Variants in BLTP3B observed in about 807,000 individuals in gnomAD.
BLTP3B encodes bridge-like lipid transfer protein family member 3B, also known as UHRF1 (ICBP90) binding protein 1-like.
At chr12:100,118,074 C>G in the BLTP3B span, among the ~76,000 whole-genome samples, 1 of 151,022 alleles carries the variant, frequency 6.6e-6, no homozygotes, top group South Asian at 2.1e-4. Flanking sequence ...TCTCTTGGTC[C>G]CAGAAAAAAA....
the BLTP3B span, among the ~76,000 whole-genome samples, chr12:100,140,718 AAAAAAAAAAAAATAT>A: frequency 8.1e-6 from 1 of 122,780 alleles, no homozygotes; most frequent in Non-Finnish European, 1.6e-5. Flanking sequence ...AAAAAAAAAA[AAAAAAAAAAAAATAT>A]ATATATATAT....
the BLTP3B span, among the ~76,000 whole-genome samples, chr12:100,109,526 G>A: frequency 6.6e-6 from 1 of 152,134 alleles, no homozygotes; most frequent in African/African-American, 2.4e-5. Context: ...CATTTTAGGA[G>A]TCTGAGGAGG....
At chr12:100,141,333 A>G in the BLTP3B span, among the ~76,000 whole-genome samples, 1 of 149,430 alleles carries the variant, frequency 6.7e-6, no homozygotes, top group Non-Finnish European at 1.5e-5. Context: ...AATACTACAT[A>G]TATACACATA....
the BLTP3B span, chr12:100,059,352 C>G: frequency 1.9e-6 from 3 of 1,613,886 alleles, no homozygotes; most frequent in East Asian, 2.2e-5. Context: ...TTTGGGGAAG[C>G]TGGTATATGT....
chr12:100,073,078 G>T, the BLTP3B span, among the ~76,000 whole-genome samples: 1 of 152,060 alleles, frequency 6.6e-6, no homozygotes, highest in Admixed American at 6.6e-5. Flanking sequence ...ATTATTGTGA[G>T]CCTTAAAAAC....
the BLTP3B span, chr12:100,072,923 T>C: frequency 8.4e-7 from 1 of 1,195,498 alleles, no homozygotes; most frequent in East Asian, 2.8e-5. Flanking sequence ...TTGCTAATGG[T>C]TAATTTCCAG....
chr12:100,105,870 AC>A, the BLTP3B span, among the ~76,000 whole-genome samples: 2 of 152,164 alleles, frequency 1.3e-5, no homozygotes, highest in Non-Finnish European at 2.9e-5. Context: ...AAGAAAAAAA[AC>A]ACGCCCATTA....
At chr12:100,142,189 G>C in the BLTP3B span, among the ~76,000 whole-genome samples, 2 of 152,320 alleles carry the variant, frequency 1.3e-5, no homozygotes, top group South Asian at 2.1e-4. Flanking sequence ...TCTGCTCCAA[G>C]GGGAAGGAGC....
the BLTP3B span, among the ~76,000 whole-genome samples, chr12:100,044,893 C>G: frequency 6.6e-6 from 1 of 152,204 alleles, no homozygotes; most frequent in African/African-American, 2.4e-5. Flanking sequence ...TAAGCAACTT[C>G]AGCAAAGCCT....
At chr12:100,118,024 G>C in the BLTP3B span, among the ~76,000 whole-genome samples, 1 of 151,894 alleles carries the variant, frequency 6.6e-6, no homozygotes, top group African/African-American at 2.4e-5. Flanking sequence ...CGATTTTATA[G>C]AGCAACCAAA....
the BLTP3B span, among the ~76,000 whole-genome samples, chr12:100,118,836 T>C: frequency 2.0e-5 from 3 of 152,192 alleles, no homozygotes; most frequent in Non-Finnish European, 4.4e-5. Context: ...GGTGTTGCGG[T>C]TCATGCCTGT....
chr12:100,051,049 T>C, the BLTP3B span: 1 of 1,607,050 alleles, frequency 6.2e-7, no homozygotes, highest in Non-Finnish European at 8.5e-7. Flanking sequence ...GGCATTTATC[T>C]TCATAGAATC....
At chr12:100,100,276 G>A in the BLTP3B span, among the ~76,000 whole-genome samples, 5 of 152,148 alleles carry the variant, frequency 3.3e-5, no homozygotes, top group Admixed American at 3.3e-4. Flanking sequence ...CTGCACTCCA[G>A]CCTGGGCAAC....
chr12:100,116,151 G>A, the BLTP3B span, among the ~76,000 whole-genome samples: 9,983 of 144,968 alleles, frequency 0.069, 382 homozygotes, highest in South Asian at 0.087. Context: ...CAGCCCGGGT[G>A]ACAGAATGAG....
At chr12:100,081,718 G>A in the BLTP3B span, among the ~76,000 whole-genome samples, 1 of 152,134 alleles carries the variant, frequency 6.6e-6, no homozygotes, top group South Asian at 2.1e-4. Context: ...GCCTCCAGCT[G>A]CATCCATGTT....
At chr12:100,096,616 C>T in the BLTP3B span, among the ~76,000 whole-genome samples, 3 of 151,566 alleles carry the variant, frequency 2.0e-5, no homozygotes, top group Non-Finnish European at 4.4e-5. Context: ...GCCAGGAGTT[C>T]ATGACCAGCC....
the BLTP3B span, among the ~76,000 whole-genome samples, chr12:100,133,164 C>T: frequency 6.6e-6 from 1 of 152,030 alleles, no homozygotes; most frequent in East Asian, 1.9e-4. Flanking sequence ...ATGGCATGAA[C>T]CCGGGAGGCG....
At chr12:100,137,813 C>G in the BLTP3B span, among the ~76,000 whole-genome samples, 1 of 152,190 alleles carries the variant, frequency 6.6e-6, no homozygotes, top group Non-Finnish European at 1.5e-5. Context: ...CCTTGGAAAT[C>G]TAATTTAGTG....
the BLTP3B span, among the ~76,000 whole-genome samples, chr12:100,109,224 T>C: frequency 7.4e-6 from 1 of 135,354 alleles, no homozygotes; most frequent in East Asian, 2.6e-4. Context: ...CCTGCCACCA[T>C]GTAAAACATG....
Sources: allele counts gnomAD v4.1 joint callset (sites outside exome capture counted in the v4.1 genomes callset), GRCh38; gene constraint gnomAD v4.1.1; transcripts MANE v1.5; gene names NCBI Gene and HGNC (gene_info 2026-07-23, HGNC 2026-07-21).